The following NTHL1 variants were observed in gnomAD, a reference collection of about 807,000 sequenced individuals.
NTHL1 encodes endonuclease III-like protein 1.
In NTHL1, 32 loss-of-function variants were observed where a neutral mutation model predicts 32.3. The observed-to-expected ratio is 0.99, with a 90% CI of 0.75 to 1.33. NTHL1 has a LOEUF of 1.33. Among genes scored for constraint, NTHL1 ranks in the 40% most tolerant of loss-of-function variants. The pLI, the probability that NTHL1 is intolerant of heterozygous loss-of-function variation, is 0.00. For missense variants in NTHL1, 501 were observed against 414.1 expected (o/e 1.21, Z -1.82); for synonymous variants, 188 against 176.9 (o/e 1.06, Z -0.50).
rs772318758 is a variant in NTHL1, at chr16:2,039,999, C to A, written c.840G>T (p.Gln280His). The A allele has an allele frequency of 6.2e-7, 1 of 1,611,174 alleles. No individual in the cohort carries two copies. Among genetic ancestry groups the A allele is most frequent in the Non-Finnish European group, 8.5e-7 (1 of 1,179,988 alleles). ...INGLLVGFGQ[Q>H]TCLPVHPRCH... ...AGCGAGGGTGCACAGGCAGACAGGT[C>A]TGCTGGCCGAAGCCCACCAAGAGTC... The change falls in exon 6 of 6, where the codon CAG becomes CAT. Residue 280 changes from glutamine to histidine, a missense_variant. Coordinates refer to ENST00000651570, the MANE Select transcript of NTHL1 (RefSeq NM_002528.7).
Position 2,044,490 on chromosome 16 carries a change from C to T in NTHL1, c.525+140G>A, listed in dbSNP as rs1252663350. ...GGCGTCAGGCCTCAGGGCCCCACGG[C>T]CTGGGGGGGGCTTCAGGGGGACCCC... On this transcript the variant is annotated intron_variant, in intron 3 of 5. Transcript: ENST00000651570. The surrounding 1 kb of genome is among the most constrained non-coding windows in gnomAD (Gnocchi z 5.0). The T allele has an allele frequency of 2.8e-6, 3 of 1,088,600 alleles. No individual in the cohort carries two copies. The highest frequency in any genetic ancestry group is 4.1e-6 in the Non-Finnish European group (3 of 737,168). The allele number at this position is 1,088,600 out of a possible 1,614,324, so 67.4% of individuals were successfully genotyped here. A position where few individuals can be genotyped will look rare whatever the true frequency, so the allele number is the denominator to read the frequency against.
Position 2,043,184 on chromosome 16 carries a change from G to T in NTHL1, c.685+383C>A, listed in dbSNP as rs2084292648. On this transcript the variant is annotated intron_variant, in intron 4 of 5. Coordinates refer to ENST00000651570, the MANE Select transcript of NTHL1 (RefSeq NM_002528.7). The surrounding 1 kb of genome is among the most constrained non-coding windows in gnomAD (Gnocchi z 4.4). Reference sequence around the variant, plus strand: ...ACCCCACCTTGCTCTGCAGCTCTCAGGTGAAGGATGACCTTGGGGGCCTTC... The same window carrying T: ...ACCCCACCTTGCTCTGCAGCTCTCATGTGAAGGATGACCTTGGGGGCCTTC... Among the ~76,000 whole-genome samples, 2 of 150,890 alleles carry T rather than the reference G, an allele frequency of 1.3e-5. No homozygotes were observed. Among genetic ancestry groups the T allele is most frequent in the Admixed American group, 6.6e-5 (1 of 15,162 alleles).
rs1271271380 is a variant in NTHL1 at position 2,047,778 on chromosome 16, C to G, written c.46G>C (p.Gly16Arg). The G allele has an allele frequency of 6.9e-6, 11 of 1,589,018 alleles. No homozygotes were observed. In the Admixed American group the frequency reaches 1.7e-4, roughly 25 times the overall value. Residue 16 changes from glycine to arginine, a missense_variant, in exon 1 of 6, where the codon GGA (glycine) becomes CGA (arginine). Physicochemically the swap from Gly to Arg is moderately radical, Grantham distance 125. Transcript: ENST00000651570. ...ARMLTRSRSLGPGAGPRGCRE... is the reference protein window; with the variant it reads ...ARMLTRSRSLRPGAGPRGCRE... ...CACCCCCGCGGCCCAGCCCCGGGTC[C>G]CAGGCTCCGGCTCCGGGTCAGCATC...
In NTHL1 at chr16:2,044,530, C is replaced by T. The variant is rs545795443; in HGVS notation, c.525+100G>A. On this transcript the variant is annotated intron_variant, in intron 3 of 5. Coordinates refer to ENST00000651570, the MANE Select transcript of NTHL1 (RefSeq NM_002528.7). This position sits in a 1 kb window ranked among gnomAD's most constrained non-coding sequence, Gnocchi z 5.0. The stretch of plus-strand genomic sequence containing the variant: ...AGGGGGACCCCCCGAGCCTGAGATG[C>T]TTGACCCTCACTTCCTGCACCGTCG... 3.3e-6 allele frequency: 5 copies of T among 1,514,442 alleles called. No homozygotes were observed. The South Asian group carries it at 4.5e-5, about 14-fold the overall frequency. The allele number at this position is 1,514,442 out of a possible 1,614,324, so 93.8% of individuals were successfully genotyped here. A position where few individuals can be genotyped will look rare whatever the true frequency, so the allele number is the denominator to read the frequency against.
At chr16:2,045,094 C>T (rs1040617789) in intron 2 of NTHL1, among the ~76,000 whole-genome samples, 2 of 152,188 alleles carry the variant, frequency 1.3e-5, no homozygotes, top group Non-Finnish European at 2.9e-5. Context: ...CCCAGCACTT[C>T]GGGAGGCCAA....
At chr16:2,046,050 C>G (rs2084355398) in intron 2 of NTHL1, 78 bp downstream of exon 2, 1 of 1,316,254 alleles carries the variant, frequency 7.6e-7, no homozygotes, top group East Asian at 2.3e-5. Context: ...GGGTGCCAGC[C>G]AAAAGCCACC....
Position 2,044,764 on chromosome 16 carries a change from A to G in NTHL1, c.391T>C (p.Ser131Pro). Residue 131 changes from serine to proline, a missense_variant, in exon 3 of 6, where the codon TCC (serine) becomes CCC (proline). By Grantham distance (74) the Ser-to-Pro change is moderately conservative. Transcript: ENST00000651570. This position sits in a 1 kb window ranked among gnomAD's most constrained non-coding sequence, Gnocchi z 5.0. ...GTCACCTGGTCTTTGGTTTGGCTGG[A>G]GAGCATCAGTGACAGCAGCACCTGG... is the stretch of plus-strand genomic sequence containing the variant. ...RYQVLLSLML[S>P]SQTKDQVTAG... 6.2e-7 allele frequency: 1 copy of G among 1,611,710 alleles called. No individual in the cohort carries two copies.
intron 2 of NTHL1, 46 bp downstream of exon 2, chr16:2,046,082 C>T (rs748985858): frequency 1.3e-6 from 2 of 1,521,806 alleles, no homozygotes; most frequent in South Asian, 1.1e-5. Flanking sequence ...AAACAAGGAC[C>T]TTGCTAAGAT....
At chr16:2,040,684 T>C (rs1218430328) in intron 4 of NTHL1, among the ~76,000 whole-genome samples, 1 of 152,166 alleles carries the variant, frequency 6.6e-6, no homozygotes, top group Non-Finnish European at 1.5e-5. Context: ...TGAGTCCTCA[T>C]GAGGTCCTAC....
rs1347097575 is a variant in NTHL1, at chr16:2,043,977, C to T, written c.526-251G>A. 10 of 537,710 alleles carry T rather than the reference C, an allele frequency of 1.9e-5. No homozygotes were observed. The highest frequency in any genetic ancestry group is 3.4e-5 in the Non-Finnish European group (10 of 296,674). 33.3% of individuals were successfully genotyped at this position (537,710 alleles called of 1,614,324 possible). On this transcript the variant is annotated intron_variant, in intron 3 of 5. Transcript: ENST00000651570. This position sits in a 1 kb window ranked among gnomAD's most constrained non-coding sequence, Gnocchi z 4.4. ...GTAGGCTCTGGCTGGGGTTCCCCTG[C>T]CCGTCATTCCCTGCCAGCACCCAGG...
intron 5 of NTHL1, 40 bp downstream of exon 5, chr16:2,040,093 G>A (rs745856834): frequency 1.9e-6 from 3 of 1,612,600 alleles, no homozygotes; most frequent in Non-Finnish European, 2.5e-6. Flanking sequence ...GGCGGGCGGG[G>A]TGAGCTCTTC....
In NTHL1 at chr16:2,044,843, G is replaced by C. The variant is rs1266363703; in HGVS notation, c.355-43C>G. 2 of 1,538,366 alleles carry C rather than the reference G, an allele frequency of 1.3e-6. No individual in the cohort carries two copies. Among genetic ancestry groups the C allele is most frequent in the Admixed American group, 1.9e-5 (1 of 51,752 alleles). On this transcript the variant is annotated intron_variant, in intron 2 of 5. Transcript: ENST00000651570. The surrounding 1 kb of genome is among the most constrained non-coding windows in gnomAD (Gnocchi z 5.0). ...GGGACCGGGGTGGCGGCGGGTCCTGGGTGATTCCCTGGCCAGGCTCCGCCC... is the reference window on the plus strand; with the variant it reads ...GGGACCGGGGTGGCGGCGGGTCCTGCGTGATTCCCTGGCCAGGCTCCGCCC...
intron 2 of NTHL1, among the ~76,000 whole-genome samples, chr16:2,045,267 G>A (rs1229348690): frequency 6.6e-6 from 1 of 151,968 alleles, no homozygotes; most frequent in African/African-American, 2.4e-5. Flanking sequence ...AACCTCGGAG[G>A]CGAAGGTTGC....
At chr16:2,040,858 A>C (rs2150939112) in intron 4 of NTHL1, among the ~76,000 whole-genome samples, 1 of 152,306 alleles carries the variant, frequency 6.6e-6, no homozygotes, top group South Asian at 2.1e-4. Context: ...GGCTCTGGGC[A>C]CCAGGCTGGG....
Position 2,044,849 on chromosome 16 carries a change from T to C in NTHL1, c.355-49A>G, listed in dbSNP as rs184425926. On this transcript the variant is annotated intron_variant, in intron 2 of 5. Coordinates refer to ENST00000651570, the MANE Select transcript of NTHL1 (RefSeq NM_002528.7). This position sits in a 1 kb window ranked among gnomAD's most constrained non-coding sequence, Gnocchi z 5.0. ...GGGGTGGCGGCGGGTCCTGGGTGATTCCCTGGCCAGGCTCCGCCCCCCGCC... is the reference window on the plus strand; with the variant it reads ...GGGGTGGCGGCGGGTCCTGGGTGATCCCCTGGCCAGGCTCCGCCCCCCGCC... 2.0e-5 allele frequency: 30 copies of C among 1,528,364 alleles called. No homozygotes were observed. The African/African-American group carries it at 4.0e-4, about 20-fold the overall frequency. The allele number at this position is 1,528,364 out of a possible 1,614,324, so 94.7% of individuals were successfully genotyped here. A position where few individuals can be genotyped will look rare whatever the true frequency, so the allele number is the denominator to read the frequency against.
At chr16:2,040,277 C>T (rs1374678614) in intron 4 of NTHL1, 39 bp from the exon 5 acceptor site, 16 of 1,584,236 alleles carry the variant, frequency 1.0e-5, no homozygotes, top group Non-Finnish European at 1.1e-5. Context: ...GGGCACACTC[C>T]ACCAGCCTAG....
chr16:2,043,528 G>A lies in NTHL1; in HGVS notation c.685+39C>T, dbSNP rs2084297156. ...AAGGATGTGGGGAATCCCAAGAGCA[G>A]CCAGTGGGCTGGAGCCAGCCCCGCC... On this transcript the variant is annotated intron_variant, in intron 4 of 5. Coordinates refer to ENST00000651570, the MANE Select transcript of NTHL1 (RefSeq NM_002528.7). This position sits in a 1 kb window ranked among gnomAD's most constrained non-coding sequence, Gnocchi z 4.4. 6.3e-7 allele frequency: 1 copy of A among 1,599,100 alleles called. No individual in the cohort carries two copies. The highest frequency in any genetic ancestry group is 1.3e-5 in the African/African-American group (1 of 74,866).
intron 2 of NTHL1, among the ~76,000 whole-genome samples, chr16:2,045,657 G>C (rs997242414): frequency 6.6e-6 from 1 of 152,084 alleles, no homozygotes; most frequent in Non-Finnish European, 1.5e-5. Context: ...GGCTGGTCTC[G>C]AACTCCTGAC....
chr16:2,043,293 G>A lies in NTHL1; in HGVS notation c.685+274C>T, dbSNP rs3211980. On this transcript the variant is annotated intron_variant, in intron 4 of 5. Coordinates refer to ENST00000651570, the MANE Select transcript of NTHL1 (RefSeq NM_002528.7). The surrounding 1 kb of genome is among the most constrained non-coding windows in gnomAD (Gnocchi z 4.4). ...CCACTCCACGAGTGGGGAATTCCTC[G>A]CTCCACATTTCTCCCGAATACAACG... Among the ~76,000 whole-genome samples, 470 of 152,066 alleles carry A rather than the reference G, an allele frequency of 3.1e-3. 2 individuals are homozygous for A. The highest frequency in any genetic ancestry group is 0.011 in the African/African-American group (445 of 41,486).
Sources: gnomAD v4.1 joint callset for allele counts (sites outside exome capture counted in the v4.1 genomes callset) on GRCh38, gnomAD v4.1.1 for gene constraint, Gnocchi (gnomAD v3.1) non-coding constraint, MANE v1.5 for transcripts, NCBI Gene and HGNC (gene_info 2026-07-23, HGNC 2026-07-21) for gene names.